Variants in SRD5A2 observed in about 807,000 individuals in gnomAD.
SRD5A2 encodes 3-oxo-5-alpha-steroid 4-dehydrogenase 2.
SRD5A2 carries 30 observed loss-of-function variants against 27.4 expected under a neutral mutation model. The ratio of observed to expected loss-of-function variants is 1.10; its 90% CI spans 0.82 to 1.49. SRD5A2 has a LOEUF of 1.49. SRD5A2 is among the 40% of genes most tolerant of loss of function. The probability of loss-of-function intolerance (pLI) is 0.00; values close to 1 mark genes in which losing one functional copy is unlikely to be tolerated. For missense variants in SRD5A2, 348 were observed against 323.4 expected, an observed-to-expected ratio of 1.08 and a Z score of -0.58; for synonymous variants, 141 against 133.6, an observed-to-expected ratio of 1.06 and a Z score of -0.38.
At chr2:31,566,574 T>C (rs1048898887) in intron 1 of SRD5A2, among the ~76,000 whole-genome samples, 10 of 152,208 alleles carry the variant, frequency 6.6e-5, no homozygotes, top group African/African-American at 2.4e-4. Flanking sequence ...TGCCAAGTGC[T>C]ACTTTGCCAG....
chr2:31,556,129 G>A (rs1482045939), intron 1 of SRD5A2, among the ~76,000 whole-genome samples: 1 of 152,190 alleles, frequency 6.6e-6, no homozygotes, highest in Non-Finnish European at 1.5e-5. Flanking sequence ...CTCCACTTCT[G>A]TGGGTCCTTG....
chr2:31,622,637 A>G, the SRD5A2 span, among the ~76,000 whole-genome samples: 4 of 152,168 alleles, frequency 2.6e-5, no homozygotes, highest in Non-Finnish European at 5.9e-5. Flanking sequence ...CATCTCATCA[A>G]TTTGCTGAGC....
At chr2:31,635,886 T>C in the SRD5A2 span, among the ~76,000 whole-genome samples, 1 of 152,142 alleles carries the variant, frequency 6.6e-6, no homozygotes, top group Non-Finnish European at 1.5e-5. Flanking sequence ...ATCTGGATAC[T>C]GTATTCTGTT....
chr2:31,614,368 T>G, the SRD5A2 span, among the ~76,000 whole-genome samples: 1 of 152,214 alleles, frequency 6.6e-6, no homozygotes, highest in Non-Finnish European at 1.5e-5. Flanking sequence ...CTCCTTTGCC[T>G]CCATATCTCA....
upstream of SRD5A2, among the ~76,000 whole-genome samples, chr2:31,583,511 T>C (rs952807175): frequency 4.0e-4 from 61 of 151,536 alleles, no homozygotes; most frequent in African/African-American, 1.4e-3. Flanking sequence ...GCTTGGTTGA[T>C]TTGCACAAAC....
rs373046127 is a variant in SRD5A2, at chr2:31,556,201, C to G, written c.282-22435G>C. On this transcript the variant is annotated intron_variant, in intron 1 of 4. Coordinates refer to ENST00000622030, the MANE Select transcript of SRD5A2 (RefSeq NM_000348.4). ...ACTTGTTTGTATATTTGGATGGTAC[C>G]TGTTGTGTAAATAATGGTTTTAGAC... Among the ~76,000 whole-genome samples, 70 of 152,214 alleles carry G rather than the reference C, an allele frequency of 4.6e-4. No homozygotes were observed. In the South Asian group the frequency reaches 6.9e-3, roughly 15 times the overall value.
intron 1 of SRD5A2, among the ~76,000 whole-genome samples, chr2:31,562,003 T>C (rs922316372): frequency 6.6e-6 from 1 of 152,104 alleles, no homozygotes; most frequent in African/African-American, 2.4e-5. Flanking sequence ...AATACAAATA[T>C]TGACATGGGA....
At chr2:31,585,987 CTG>C in the SRD5A2 span, among the ~76,000 whole-genome samples, 1 of 152,020 alleles carries the variant, frequency 6.6e-6, no homozygotes, top group African/African-American at 2.4e-5. Context: ...GTGGGAAAGA[CTG>C]TGTTTTGTGG....
At chr2:31,591,240 G>A in the SRD5A2 span, among the ~76,000 whole-genome samples, 1 of 152,108 alleles carries the variant, frequency 6.6e-6, no homozygotes, top group Admixed American at 6.6e-5. Flanking sequence ...AAATTTACAA[G>A]AGAAAAACCA....
At chr2:31,627,218 C>A in the SRD5A2 span, among the ~76,000 whole-genome samples, 1 of 150,588 alleles carries the variant, frequency 6.6e-6, no homozygotes, top group Non-Finnish European at 1.5e-5. Context: ...TCTTTATGTA[C>A]CCATTTCTTC....
At chr2:31,531,744 A>G (rs1381311827) in intron 2 of SRD5A2, among the ~76,000 whole-genome samples, 1 of 152,222 alleles carries the variant, frequency 6.6e-6, no homozygotes, top group Admixed American at 6.5e-5. Flanking sequence ...AGGTAGCACC[A>G]TTGTCCAGTA....
the SRD5A2 span, among the ~76,000 whole-genome samples, chr2:31,638,531 C>T: frequency 6.6e-6 from 1 of 152,054 alleles, no homozygotes; most frequent in South Asian, 2.1e-4. Flanking sequence ...GTTAAAGTCC[C>T]CTATCATTAT....
the SRD5A2 span, among the ~76,000 whole-genome samples, chr2:31,590,468 T>G: frequency 6.6e-6 from 1 of 152,148 alleles, no homozygotes; most frequent in African/African-American, 2.4e-5. Flanking sequence ...TCATGATGGG[T>G]AGGAAGAATC....
At chr2:31,565,321 T>C (rs944867029) in intron 1 of SRD5A2, among the ~76,000 whole-genome samples, 5 of 151,882 alleles carry the variant, frequency 3.3e-5, no homozygotes, top group Non-Finnish European at 5.9e-5. Flanking sequence ...AGCAAGATGA[T>C]AGACATAATT....
chr2:31,528,355 G>T (rs913338527), intron 4 of SRD5A2, among the ~76,000 whole-genome samples: 6 of 152,232 alleles, frequency 3.9e-5, no homozygotes, highest in African/African-American at 1.4e-4. Context: ...TCCTTCTGGA[G>T]TTCCAGGGCT....
the SRD5A2 span, among the ~76,000 whole-genome samples, chr2:31,624,503 T>G: frequency 3.3e-5 from 5 of 152,168 alleles, no homozygotes; most frequent in Admixed American, 3.3e-4. Context: ...CTTGATGCTA[T>G]CCTTCCCCTC....
chr2:31,613,554 G>A, the SRD5A2 span, among the ~76,000 whole-genome samples: 1 of 152,134 alleles, frequency 6.6e-6, no homozygotes, highest in African/African-American at 2.4e-5. Context: ...AAACCCTTGT[G>A]CACTGTTGGT....
chr2:31,595,720 C>T, the SRD5A2 span, among the ~76,000 whole-genome samples: 613 of 152,224 alleles, frequency 4.0e-3, 3 homozygotes, highest in Non-Finnish European at 6.1e-3. Flanking sequence ...CAGTATTACC[C>T]TATCACCAAG....
rs28383052 is a variant in SRD5A2 at position 31,531,972 on chromosome 2, A to G, written c.446-500T>C. ...TCTTGGTTGGGGGACTTCCTTGGAA[A>G]TCGTTTGCTTTTCTGATAAAAGGTG... On this transcript the variant is annotated intron_variant, in intron 2 of 4. Transcript: ENST00000622030. 4.8e-3 allele frequency among the ~76,000 whole-genome samples: 730 copies of G among 152,228 alleles called. 2 individuals are homozygous for G. The highest frequency in any genetic ancestry group is 7.8e-3 in the Non-Finnish European group (532 of 68,016).
Sources: allele counts gnomAD v4.1 joint callset (sites outside exome capture counted in the v4.1 genomes callset), GRCh38; gene constraint gnomAD v4.1.1; transcripts MANE v1.5; gene names NCBI Gene and HGNC (gene_info 2026-07-23, HGNC 2026-07-21).